The following PC variants were observed in gnomAD, a reference collection of about 807,000 sequenced individuals.
PC encodes pyruvate carboxylase, mitochondrial.
Under a neutral mutation model 107.8 loss-of-function variants are expected in PC, and 46 were observed. The ratio of observed to expected loss-of-function variants is 0.43; its 90% CI spans 0.34 to 0.55. The LOEUF is 0.55. Among genes scored for constraint, PC ranks in the 20% least tolerant of loss-of-function variants. The probability of loss-of-function intolerance (pLI) is 0.04; values close to 1 mark genes in which losing one functional copy is unlikely to be tolerated. For missense variants in PC, 1,241 were observed against 1,643.1 expected, an observed-to-expected ratio of 0.76 and a Z score of 4.23; for synonymous variants, 662 against 684.7, an observed-to-expected ratio of 0.97 and a Z score of 0.52.
intron 3 of PC, 98 bp from the exon 4 acceptor site, chr11:66,872,257 A>T: frequency 7.2e-7 from 1 of 1,379,680 alleles, no homozygotes; most frequent in Non-Finnish European, 1.0e-6. Context: ...GGCCCCACAG[A>T]AAGGCTAGCA....
chr11:66,939,665 G>T (rs1949075756), intron 3 of PC, among the ~76,000 whole-genome samples: 1 of 151,978 alleles, frequency 6.6e-6, no homozygotes. Context: ...TTAGCCAGGT[G>T]TGGTGGCGCA....
intron 3 of PC, among the ~76,000 whole-genome samples, chr11:66,948,769 G>A (rs1051844529): frequency 1.3e-5 from 2 of 152,046 alleles, no homozygotes; most frequent in Non-Finnish European, 2.9e-5. Context: ...GAGCCTAGGA[G>A]GTAGAGGTTG....
chr11:66,929,310 G>A (rs945200306), intron 3 of PC, among the ~76,000 whole-genome samples: 1 of 152,120 alleles, frequency 6.6e-6, no homozygotes, highest in African/African-American at 2.4e-5. Flanking sequence ...AGCAACCCCT[G>A]AGAATGGAAG....
At chr11:66,868,771 A>G (rs971655539) in intron 10 of PC, 75 bp downstream of exon 10, 15 of 1,170,916 alleles carry the variant, frequency 1.3e-5, no homozygotes, top group Non-Finnish European at 1.3e-5. Context: ...GGCTGGCCCC[A>G]GGAGCCACTT....
rs1330022143 is a variant in PC at position 66,923,380 on chromosome 11, C to CAA, written c.-1+29048_-1+29049dup. 4.7e-3 allele frequency among the ~76,000 whole-genome samples: 495 copies of CAA among 104,358 alleles called. 5 individuals carry two copies. Among genetic ancestry groups the CAA allele is most frequent in the Middle Eastern group, 0.014 (3 of 208 alleles). 68.5% of individuals were successfully genotyped at this position (104,358 alleles called of 152,430 possible). A position where few individuals can be genotyped will look rare whatever the true frequency, so the allele number is the denominator to read the frequency against. ...TGGGAGATAGAGCGAGACTCCGTCTCAAAAAAAAAAAAAAAAAGAAGTCGT... is the reference window on the plus strand; with the variant it reads ...TGGGAGATAGAGCGAGACTCCGTCTCAAAAAAAAAAAAAAAAAAAGAAGTCGT... On this transcript the variant is annotated intron_variant, in intron 3 of 22. Transcript: ENST00000393960.
intron 12 of PC, among the ~76,000 whole-genome samples, chr11:66,863,255 G>T (rs1345692704): frequency 6.6e-6 from 1 of 152,098 alleles, no homozygotes. Context: ...CAGGAGAATC[G>T]CTTGAACCCA....
chr11:66,877,009 C>A (rs1947004310), intron 3 of PC, among the ~76,000 whole-genome samples: 1 of 152,206 alleles, frequency 6.6e-6, no homozygotes, highest in South Asian at 2.1e-4. Flanking sequence ...GGAAGGCCTT[C>A]AGGAGGCGGC....
chr11:66,878,057 G>C (rs1400536506), intron 3 of PC, among the ~76,000 whole-genome samples: 1 of 152,176 alleles, frequency 6.6e-6, no homozygotes, highest in African/African-American at 2.4e-5. Flanking sequence ...GAGCTCCGCA[G>C]GAAAAGGCGA....
chr11:66,861,661 AC>A (rs1456985957), intron 12 of PC, among the ~76,000 whole-genome samples: 1 of 151,858 alleles, frequency 6.6e-6, no homozygotes. Context: ...GTGGGCACAG[AC>A]GGCAAAGGGA....
rs747247743 is a variant in PC at position 66,863,909 on chromosome 11, G to A, written c.1233C>T (p.Ser411=). The A allele has an allele frequency of 1.7e-5, 27 of 1,613,962 alleles. No homozygotes were observed. The highest frequency in any genetic ancestry group is 1.2e-4 in the South Asian group (11 of 91,084). Residue 411 remains serine (S), a synonymous_variant, in exon 12 of 23, where the codon TCC becomes TCT. Transcript: ENST00000393960. ...GCGAGATGACGGCTCCTTGGAAGGC[G>A]GAAGCATTATCCAGGCGGATGCCCA... is the stretch of plus-strand genomic sequence containing the variant. ...EGMGIRLDNA[S]AFQGAVISPH... is the part of the protein sequence containing the mutation.
At chr11:66,882,843 G>A (rs748063972) in intron 3 of PC, among the ~76,000 whole-genome samples, 18 of 152,320 alleles carry the variant, frequency 1.2e-4, no homozygotes, top group Non-Finnish European at 2.2e-4. Flanking sequence ...ATGAAAGAAC[G>A]ACTCCACCTG....
chr11:66,931,977 C>T (rs1948867031), intron 3 of PC, among the ~76,000 whole-genome samples: 1 of 150,312 alleles, frequency 6.7e-6, no homozygotes, highest in South Asian at 2.1e-4. Flanking sequence ...CAAGATCACG[C>T]CACTGCACTC....
chr11:66,858,225 C>T lies in PC; in HGVS notation c.1369-4842G>A. On this transcript the variant is annotated intron_variant, in intron 12 of 22. Transcript: ENST00000393960. This position sits in a 1 kb window ranked among gnomAD's most constrained non-coding sequence, Gnocchi z 5.9. ...GTCCTACAACAACCTCCGGCAGGTG[C>T]CCTGGGCCGGCATCGGCGCCATGCC... The T allele has an allele frequency of 6.2e-7, 1 of 1,612,502 alleles. No homozygotes were observed. The highest frequency in any genetic ancestry group is 2.2e-5 in the East Asian group (1 of 44,872).
Position 66,848,658 on chromosome 11 carries a change from C to G in PC, c.*241G>C. On this transcript the variant is annotated 3_prime_UTR_variant, in exon 23 of 23. Coordinates refer to ENST00000393960, the MANE Select transcript of PC (RefSeq NM_001040716.2). ...CCACCTGACCCACCACTTGTAGTCT[C>G]CAGTGAGGAGGGGACCCTTATTTGG... 3.2e-6 allele frequency: 2 copies of G among 620,646 alleles called. No individual in the cohort carries two copies. The highest frequency in any genetic ancestry group is 5.7e-6 in the Non-Finnish European group (2 of 349,604). The allele number at this position is 620,646 out of a possible 1,614,324, so 38.4% of individuals were successfully genotyped here. A position where few individuals can be genotyped will look rare whatever the true frequency, so the allele number is the denominator to read the frequency against.
chr11:66,872,768 G>C (rs537962833), intron 3 of PC, among the ~76,000 whole-genome samples: 1 of 152,146 alleles, frequency 6.6e-6, no homozygotes, highest in East Asian at 1.9e-4. Context: ...GGGCGCGGTG[G>C]CTCATGCCTG....
chr11:66,922,916 G>A (rs1486726588), intron 3 of PC, among the ~76,000 whole-genome samples: 1 of 152,168 alleles, frequency 6.6e-6, no homozygotes, highest in Non-Finnish European at 1.5e-5. Context: ...CTTGTTCCTA[G>A]AAAAATGACT....
chr11:66,937,515 G>C (rs2136124351), intron 3 of PC, among the ~76,000 whole-genome samples: 1 of 152,226 alleles, frequency 6.6e-6, no homozygotes, highest in African/African-American at 2.4e-5. Context: ...TTTTTCATCA[G>C]CTTGTGGCCA....
At chr11:66,889,046 C>G (rs981685996) in intron 3 of PC, among the ~76,000 whole-genome samples, 1 of 152,136 alleles carries the variant, frequency 6.6e-6, no homozygotes, top group Non-Finnish European at 1.5e-5. Flanking sequence ...CGCACCCCAG[C>G]CTGGGTGACA....
At chr11:66,896,971 G>A (rs923887370) in intron 3 of PC, among the ~76,000 whole-genome samples, 3 of 151,976 alleles carry the variant, frequency 2.0e-5, no homozygotes, top group African/African-American at 4.8e-5. Flanking sequence ...CACTCTTGTC[G>A]CCCAGGCTGG....
Sources: allele counts gnomAD v4.1 joint callset (sites outside exome capture counted in the v4.1 genomes callset), GRCh38; gene constraint gnomAD v4.1.1; non-coding constraint Gnocchi (gnomAD v3.1); transcripts MANE v1.5; gene names NCBI Gene and HGNC (gene_info 2026-07-23, HGNC 2026-07-21).